Variants in FAM13A observed in about 807,000 individuals in gnomAD.
FAM13A encodes protein FAM13A.
Under a neutral mutation model 129.6 loss-of-function variants are expected in FAM13A, and 76 were observed. The observed-to-expected ratio is 0.59, with a 90% CI of 0.49 to 0.71. The LOEUF (loss-of-function observed/expected upper bound fraction) is 0.71, where lower values mean the gene tolerates loss of function less well. Ranked by LOEUF, FAM13A falls within the 30% of genes least tolerant of loss-of-function variation. The pLI is 0.00. For missense variants in FAM13A, 1,108 were observed against 1,249.3 expected, an observed-to-expected ratio of 0.89 and a Z score of 1.70; for synonymous variants, 443 against 449.9, an observed-to-expected ratio of 0.98 and a Z score of 0.20.
chr4:88,913,321 G>A (rs1027157913), intron 5 of FAM13A, among the ~76,000 whole-genome samples: 11 of 143,566 alleles, frequency 7.7e-5, no homozygotes, highest in African/African-American at 2.3e-4. Flanking sequence ...AGGAAGAAGA[G>A]GAGGAGGAAG....
intron 3 of FAM13A, among the ~76,000 whole-genome samples, chr4:89,003,789 A>C (rs1313672436): frequency 1.3e-5 from 2 of 152,230 alleles, no homozygotes; most frequent in African/African-American, 4.8e-5. Flanking sequence ...AATTGTTTGG[A>C]GTAAGTGGCA....
At chr4:88,857,805 TGG>T (rs1232632953) in intron 6 of FAM13A, among the ~76,000 whole-genome samples, 1 of 152,142 alleles carries the variant, frequency 6.6e-6, no homozygotes, top group Non-Finnish European at 1.5e-5. Context: ...GAAATGTTTG[TGG>T]GTTTTGTTAA....
chr4:88,816,552 G>A (rs1008169161), intron 7 of FAM13A, among the ~76,000 whole-genome samples: 1 of 152,174 alleles, frequency 6.6e-6, no homozygotes, highest in African/African-American at 2.4e-5. Flanking sequence ...AGTGCAGTAA[G>A]TGTCTATATA....
chr4:88,914,802 T>C (rs927142699), intron 5 of FAM13A, among the ~76,000 whole-genome samples: 2 of 152,234 alleles, frequency 1.3e-5, no homozygotes, highest in Admixed American at 6.5e-5. Context: ...TAAGTATTTT[T>C]TGAATGAACG....
intron 6 of FAM13A, among the ~76,000 whole-genome samples, chr4:88,885,736 A>C (rs779687546): frequency 7.2e-5 from 11 of 152,154 alleles, no homozygotes; most frequent in Non-Finnish European, 1.6e-4. Flanking sequence ...ACAGAGTGGG[A>C]GAAAATCTTT....
At chr4:88,741,324 G>A (rs1403871300) in intron 19 of FAM13A, among the ~76,000 whole-genome samples, 1 of 152,174 alleles carries the variant, frequency 6.6e-6, no homozygotes, top group African/African-American at 2.4e-5. Flanking sequence ...GAGAATAAGT[G>A]AATCACAGCT....
chr4:88,792,831 T>C (rs1725441422), intron 8 of FAM13A, among the ~76,000 whole-genome samples: 1 of 152,118 alleles, frequency 6.6e-6, no homozygotes, highest in Non-Finnish European at 1.5e-5. Flanking sequence ...TCTTTTTGAC[T>C]ATTAAAGCAG....
At chr4:88,817,177 A>T (rs1042277196) in intron 7 of FAM13A, among the ~76,000 whole-genome samples, 1 of 152,258 alleles carries the variant, frequency 6.6e-6, no homozygotes, top group Admixed American at 6.5e-5. Flanking sequence ...ATATGATTAC[A>T]TGCAAACTGT....
At chr4:88,825,028 C>A (rs1732731038) in intron 7 of FAM13A, among the ~76,000 whole-genome samples, 1 of 152,014 alleles carries the variant, frequency 6.6e-6, no homozygotes, top group Admixed American at 6.6e-5. Context: ...GGTAGAAAAT[C>A]ACAATTATAC....
At chr4:89,014,918 G>T (rs1438373300) in intron 3 of FAM13A, among the ~76,000 whole-genome samples, 2 of 152,154 alleles carry the variant, frequency 1.3e-5, no homozygotes, top group South Asian at 4.1e-4. Flanking sequence ...CCTGAGAGCT[G>T]GGCAGAACAG....
At chr4:89,018,157 C>T (rs574660915) in intron 3 of FAM13A, among the ~76,000 whole-genome samples, 3 of 152,140 alleles carry the variant, frequency 2.0e-5, no homozygotes, top group African/African-American at 7.2e-5. Flanking sequence ...CTCTAACCTC[C>T]ATACCTCAGA....
At chr4:88,881,446 A>T (rs907833270) in intron 6 of FAM13A, among the ~76,000 whole-genome samples, 2 of 152,202 alleles carry the variant, frequency 1.3e-5, no homozygotes, top group Admixed American at 1.3e-4. Context: ...ACATCAAGGG[A>T]ACACCCCATG....
intron 4 of FAM13A, among the ~76,000 whole-genome samples, chr4:88,978,654 C>T (rs573427045): frequency 9.1e-4 from 139 of 152,074 alleles, no homozygotes; most frequent in African/African-American, 3.1e-3. Context: ...ATTAGCTGGG[C>T]GTGGTGGTGG....
chr4:88,857,028 T>C (rs1045427205), intron 6 of FAM13A, among the ~76,000 whole-genome samples: 1 of 152,220 alleles, frequency 6.6e-6, no homozygotes, highest in Non-Finnish European at 1.5e-5. Flanking sequence ...ACTCTCCTCA[T>C]AGATAATTTA....
intron 7 of FAM13A, chr4:88,823,364 T>G (rs1213660422): frequency 5.9e-6 from 6 of 1,021,488 alleles, no homozygotes; most frequent in Non-Finnish European, 7.1e-6. Context: ...TCCTCAATGG[T>G]CCCTCCTCCT....
intron 10 of FAM13A, among the ~76,000 whole-genome samples, chr4:88,785,638 A>G (rs1208645473): frequency 6.6e-6 from 1 of 152,198 alleles, no homozygotes; most frequent in Non-Finnish European, 1.5e-5. Context: ...GAGTGAAAGG[A>G]TAACAGAACC....
rs1578824608 is a variant in FAM13A at position 88,822,868 on chromosome 4, C to T, written c.1008-17816G>A. ...GGAACCATATGTACAACGGACTCTA[C>T]ACACTTTGCAGCATGTTACTAAAAG... On this transcript the variant is annotated intron_variant, in intron 7 of 23. Transcript: ENST00000264344. 13 of 1,510,616 alleles carry T rather than the reference C, an allele frequency of 8.6e-6. No individual in the cohort carries two copies. The East Asian group carries it at 2.5e-4, about 30-fold the overall frequency. 93.6% of individuals were successfully genotyped at this position (1,510,616 alleles called of 1,614,324 possible). A position where few individuals can be genotyped will look rare whatever the true frequency, so the allele number is the denominator to read the frequency against.
chr4:88,947,880 CA>C (rs1300873585), intron 4 of FAM13A, among the ~76,000 whole-genome samples: 5 of 152,038 alleles, frequency 3.3e-5, no homozygotes, highest in Non-Finnish European at 7.4e-5. Flanking sequence ...GGCTGGTCCT[CA>C]GAGGCTGAAA....
chr4:88,810,672 A>G (rs1453606297), intron 7 of FAM13A, among the ~76,000 whole-genome samples: 1 of 152,182 alleles, frequency 6.6e-6, no homozygotes, highest in Non-Finnish European at 1.5e-5. Context: ...ACTATAATCA[A>G]TTTCCCATAC....
Sources: allele counts gnomAD v4.1 joint callset (sites outside exome capture counted in the v4.1 genomes callset), GRCh38; gene constraint gnomAD v4.1.1; transcripts MANE v1.5; gene names NCBI Gene and HGNC (gene_info 2026-07-23, HGNC 2026-07-21).